ASIC2: variants seen among roughly 807,000 people sequenced by gnomAD.
ASIC2 encodes the protein acid-sensing ion channel 2.
Under a neutral mutation model 57.3 loss-of-function variants are expected in ASIC2, and 25 were observed. That is an observed-to-expected ratio of 0.44 (90% confidence interval 0.32 to 0.61). The LOEUF (loss-of-function observed/expected upper bound fraction) is 0.61. ASIC2 is among the 20% of genes least tolerant of loss of function. The probability of loss-of-function intolerance (pLI) is 0.06; values close to 1 mark genes in which losing one functional copy is unlikely to be tolerated. For synonymous variants in ASIC2, 319 were observed against 307.5 expected, an observed-to-expected ratio of 1.04 and a Z score of -0.39; for missense variants, 641 against 738.1, an observed-to-expected ratio of 0.87 and a Z score of 1.52.
intron 1 of ASIC2, among the ~76,000 whole-genome samples, chr17:33,439,922 G>C (rs1037098860): frequency 6.6e-6 from 1 of 152,212 alleles, no homozygotes; most frequent in Non-Finnish European, 1.5e-5. Flanking sequence ...CAAGTCAAAG[G>C]TGACCTGGTA....
At chr17:33,807,098 A>G (rs1912289842) in intron 1 of ASIC2, among the ~76,000 whole-genome samples, 1 of 151,832 alleles carries the variant, frequency 6.6e-6, no homozygotes, top group Non-Finnish European at 1.5e-5. Context: ...CTTCCCCTAC[A>G]CTCCAGGAAA....
intron 1 of ASIC2, among the ~76,000 whole-genome samples, chr17:33,374,310 G>A (rs910313511): frequency 2.6e-5 from 4 of 152,082 alleles, no homozygotes; most frequent in African/African-American, 9.7e-5. Context: ...TTGGCCTTTT[G>A]ATTTTTAGAC....
At chr17:33,296,171 C>T (rs1472739156), upstream of ASIC2, among the ~76,000 whole-genome samples, 1 of 152,160 alleles carries the variant, frequency 6.6e-6, no homozygotes, top group Non-Finnish European at 1.5e-5. Flanking sequence ...ACACTAAAAA[C>T]AAGTATCATA....
At chr17:33,707,381 T>A (rs1908894077) in intron 1 of ASIC2, among the ~76,000 whole-genome samples, 1 of 152,156 alleles carries the variant, frequency 6.6e-6, no homozygotes, top group South Asian at 2.1e-4. Flanking sequence ...TTCTGACTAA[T>A]TTTTTAACAC....
At chr17:34,059,747 G>T (rs1481118749) in intron 1 of ASIC2, among the ~76,000 whole-genome samples, 5 of 152,040 alleles carry the variant, frequency 3.3e-5, no homozygotes, top group Non-Finnish European at 4.4e-5. Flanking sequence ...GACAACCTGC[G>T]TGACTCAGCA....
chr17:33,816,172 G>GA (rs372110374), intron 1 of ASIC2, among the ~76,000 whole-genome samples: 5 of 148,130 alleles, frequency 3.4e-5, no homozygotes, highest in African/African-American at 5.2e-5. Flanking sequence ...CCAACTGAAG[G>GA]GGGGGCGGGT....
chr17:33,739,004 C>T (rs1910013524), intron 1 of ASIC2, among the ~76,000 whole-genome samples: 2 of 152,138 alleles, frequency 1.3e-5, no homozygotes, highest in Non-Finnish European at 2.9e-5. Context: ...TCCTGGTTTG[C>T]CCATGTTTAA....
At chr17:33,701,746 G>T (rs566454413) in intron 1 of ASIC2, among the ~76,000 whole-genome samples, 3 of 152,182 alleles carry the variant, frequency 2.0e-5, no homozygotes, top group Non-Finnish European at 4.4e-5. Flanking sequence ...AAGTCATGAG[G>T]TATTTGCAAG....
rs1203893426 is a variant in ASIC2, at chr17:33,725,254, G to A, written c.555+430724C>T. Reference sequence around the variant, plus strand: ...TGAATAAACACATCATTAGAGAGCTGGGGAAAATACGTGGAGGGAAGGGAA... The same window carrying A: ...TGAATAAACACATCATTAGAGAGCTAGGGAAAATACGTGGAGGGAAGGGAA... On this transcript the variant is annotated intron_variant, in intron 1 of 9. Coordinates refer to the ASIC2 transcript ENST00000359872. Among the ~76,000 whole-genome samples the A allele has an allele frequency of 1.3e-5, 2 of 152,236 alleles. 1 individual carries two copies. The highest frequency in any genetic ancestry group is 3.9e-4 in the East Asian group (2 of 5,190).
At chr17:33,850,221 G>A (rs115363250) in intron 1 of ASIC2, among the ~76,000 whole-genome samples, 42 of 152,290 alleles carry the variant, frequency 2.8e-4, no homozygotes, top group African/African-American at 9.6e-4. Flanking sequence ...GATGCAGGCC[G>A]ACAAATGAAC....
chr17:33,263,940 G>C (rs530243504), intron 1 of ASIC2, among the ~76,000 whole-genome samples: 20 of 126,084 alleles, frequency 1.6e-4, no homozygotes, highest in Admixed American at 5.2e-4. Flanking sequence ...CCTGGGAATA[G>C]ATGAGTGGTG....
intron 1 of ASIC2, among the ~76,000 whole-genome samples, chr17:33,929,317 C>A (rs1915884436): frequency 6.6e-6 from 1 of 152,222 alleles, no homozygotes; most frequent in Non-Finnish European, 1.5e-5. Context: ...AGTGCTCACT[C>A]CCAAGTTCCC....
rs149451226 is a variant in ASIC2, at chr17:33,820,036, G to A, written c.555+335942C>T. On this transcript the variant is annotated intron_variant, in intron 1 of 9. Coordinates refer to the ASIC2 transcript ENST00000359872. Reference sequence around the variant, plus strand: ...TCTTATGGAGTTTGCAGTCAGAAACGAGACAATGATAGAGGCCCCAGCTGC... The same window carrying A: ...TCTTATGGAGTTTGCAGTCAGAAACAAGACAATGATAGAGGCCCCAGCTGC... Among the ~76,000 whole-genome samples the A allele has an allele frequency of 3.4e-4, 52 of 152,248 alleles. No homozygotes were observed. In the East Asian group the frequency reaches 6.2e-3, roughly 18 times the overall value.
chr17:33,753,148 C>T (rs547171106), intron 1 of ASIC2, among the ~76,000 whole-genome samples: 5 of 152,274 alleles, frequency 3.3e-5, no homozygotes, highest in African/African-American at 1.2e-4. Context: ...GTTGTCAAGC[C>T]ATAGAAAGAC....
At position 33,949,219 on chromosome 17, in the gene ASIC2, A is replaced by G. The variant is rs545702687; in HGVS notation, c.555+206759T>C. 9.2e-5 allele frequency among the ~76,000 whole-genome samples: 14 copies of G among 152,308 alleles called. No homozygotes were observed. The South Asian group carries it at 2.9e-3, about 32-fold the overall frequency. On this transcript the variant is annotated intron_variant, in intron 1 of 9. Coordinates refer to the ASIC2 transcript ENST00000359872. ...AGCGTAATAGGAATCCTTTGTGGAC[A>G]CAAAGTGATTGTGCCATGTCTTTTG...
chr17:34,049,174 C>G (rs563027080), intron 1 of ASIC2, among the ~76,000 whole-genome samples: 1 of 152,152 alleles, frequency 6.6e-6, no homozygotes, highest in Non-Finnish European at 1.5e-5. Flanking sequence ...TGCCTGTGGT[C>G]CCAGGTGCTG....
intron 1 of ASIC2, among the ~76,000 whole-genome samples, chr17:33,856,638 G>A (rs1913963619): frequency 1.4e-5 from 1 of 73,946 alleles, no homozygotes; most frequent in Non-Finnish European, 3.3e-5. Context: ...TACACCGAGG[G>A]TTAGGATAAG....
At chr17:33,954,549 G>T (rs563215717) in intron 1 of ASIC2, among the ~76,000 whole-genome samples, 59 of 152,250 alleles carry the variant, frequency 3.9e-4, no homozygotes, top group Non-Finnish European at 7.4e-4. Flanking sequence ...ATGAGAAGAG[G>T]CAGTGTCTTC....
intron 1 of ASIC2, among the ~76,000 whole-genome samples, chr17:33,644,259 C>A (rs1440675890): frequency 6.6e-6 from 1 of 152,186 alleles, no homozygotes; most frequent in Non-Finnish European, 1.5e-5. Flanking sequence ...CATGGTGATG[C>A]GTTTTTCCTG....
Sources: gnomAD v4.1 joint callset for allele counts (sites outside exome capture counted in the v4.1 genomes callset) on GRCh38, gnomAD v4.1.1 for gene constraint, MANE v1.5 for transcripts, NCBI Gene and HGNC (gene_info 2026-07-23, HGNC 2026-07-21) for gene names.